CAMK1: variants seen among roughly 807,000 people sequenced by gnomAD.
CAMK1 encodes the protein calcium/calmodulin dependent protein kinase I.
CAMK1 carries 39 observed loss-of-function variants against 49.1 expected under a neutral mutation model. That is an observed-to-expected ratio of 0.79 (90% CI 0.62 to 1.04). The LOEUF is 1.04. CAMK1 is among the 50% of genes least tolerant of loss of function. The pLI is 0.00. For synonymous variants in CAMK1, 192 were observed against 185.2 expected, an observed-to-expected ratio of 1.04 and a Z score of -0.30; for missense variants, 457 against 472.2, an observed-to-expected ratio of 0.97 and a Z score of 0.30.
At chr3:9,759,773 A>G (rs2077758744) in intron 8 of CAMK1, 23 bp from the exon 9 acceptor site, 1 of 1,613,988 alleles carries the variant, frequency 6.2e-7, no homozygotes, top group African/African-American at 1.3e-5. Context: ...GACAAAAGCA[A>G]AGATAATGAC....
intron 10 of CAMK1, chr3:9,759,031 C>G: frequency 1.4e-6 from 1 of 714,438 alleles, no homozygotes; most frequent in Admixed American, 1.9e-5. Context: ...ATATGAGGCC[C>G]TAAGAGGCCT....
intron 2 of CAMK1, among the ~76,000 whole-genome samples, chr3:9,767,079 C>G (rs1489816564): frequency 2.0e-5 from 3 of 152,168 alleles, no homozygotes; most frequent in Non-Finnish European, 2.9e-5. Flanking sequence ...TTATGCTATT[C>G]CTTCTGCCTG....
intron 3 of CAMK1, among the ~76,000 whole-genome samples, chr3:9,763,527 A>C (rs2077994443): frequency 6.6e-6 from 1 of 152,124 alleles, no homozygotes; most frequent in Non-Finnish European, 1.5e-5. Context: ...GGGAAAAGCT[A>C]GCTTACCATG....
In CAMK1 at chr3:9,757,905, T is replaced by C; in HGVS notation, c.913-59A>G. On this transcript the variant is annotated intron_variant, in intron 10 of 11. Coordinates refer to ENST00000256460, the MANE Select transcript of CAMK1 (RefSeq NM_003656.5). The surrounding 1 kb of genome is among the most constrained non-coding windows in gnomAD (Gnocchi z 4.5). The stretch of plus-strand genomic sequence containing the variant: ...AAGGACTTTTGAGAGAGTCAAGTCA[T>C]GGGGCAGGGGCGCAGTGGGATTCTT... The C allele has an allele frequency of 6.4e-7, 1 of 1,552,042 alleles. No homozygotes were observed. Among genetic ancestry groups the C allele is most frequent in the South Asian group, 1.2e-5 (1 of 82,628 alleles).
chr3:9,766,385 G>A (rs2078153357), intron 2 of CAMK1: 1 of 594,254 alleles, frequency 1.7e-6, no homozygotes. Context: ...TCGAGTCATG[G>A]CTAATTTAAC....
chr3:9,761,938 G>C, intron 5 of CAMK1, 181 bp from the exon 6 acceptor site: 1 of 833,486 alleles, frequency 1.2e-6, no homozygotes, highest in Non-Finnish European at 1.8e-6. Flanking sequence ...GAAGGACAAG[G>C]CTCAAGAGGG....
At chr3:9,763,418 A>C (rs1247920244) in intron 3 of CAMK1, among the ~76,000 whole-genome samples, 1 of 151,772 alleles carries the variant, frequency 6.6e-6, no homozygotes, top group Non-Finnish European at 1.5e-5. Flanking sequence ...AAAAAAAAAA[A>C]AAAACAGCGG....
chr3:9,767,570 G>A, intron 2 of CAMK1, 97 bp downstream of exon 2: 1 of 1,499,536 alleles, frequency 6.7e-7, no homozygotes, highest in Non-Finnish European at 9.2e-7. Context: ...CAGGGCCTGG[G>A]CTGTGGGAAA....
At chr3:9,760,995 T>C (rs2077837431) in intron 7 of CAMK1, 1 of 550,010 alleles carries the variant, frequency 1.8e-6, no homozygotes, top group African/African-American at 1.9e-5. Context: ...TGCCATTGCT[T>C]CTGCCTATGC....
chr3:9,767,712 G>A lies in CAMK1; in HGVS notation c.38C>T (p.Ala13Val), dbSNP rs920145784. The change falls in exon 2 of 12, where the codon GCG becomes GTG. Residue 13 changes from alanine to valine, a missense_variant. Coordinates refer to ENST00000256460, the MANE Select transcript of CAMK1 (RefSeq NM_003656.5). Reference protein sequence around the residue: ...GAVEGPRWKQAEDIRDIYDFR... With the variant: ...GAVEGPRWKQVEDIRDIYDFR... The stretch of plus-strand genomic sequence containing the variant: ...GTCGTAGATGTCTCTAATGTCCTCC[G>A]CCTGCTTCCACCTGGGGCCTTCCAC... 1.4e-5 allele frequency: 22 copies of A among 1,613,976 alleles called. No individual in the cohort carries two copies. The East Asian group carries it at 2.7e-4, about 20-fold the overall frequency.
Position 9,757,384 on chromosome 3 carries a change from A to T in CAMK1, c.*155T>A. 2 of 1,612,954 alleles carry T rather than the reference A, an allele frequency of 1.2e-6. No homozygotes were observed. The highest frequency in any genetic ancestry group is 1.7e-6 in the Non-Finnish European group (2 of 1,179,382). ...CCCTTTATTACAAGAAGGAACAATAAAATAGAAACATTTGTATGGAAAATG... is the reference window on the plus strand; with the variant it reads ...CCCTTTATTACAAGAAGGAACAATATAATAGAAACATTTGTATGGAAAATG... On this transcript the variant is annotated 3_prime_UTR_variant, in exon 12 of 12. Coordinates refer to ENST00000256460, the MANE Select transcript of CAMK1 (RefSeq NM_003656.5). This position sits in a 1 kb window ranked among gnomAD's most constrained non-coding sequence, Gnocchi z 4.5.
At position 9,760,679 on chromosome 3, in the gene CAMK1, T is replaced by G; in HGVS notation, c.722A>C (p.Tyr241Ser). 6.2e-7 allele frequency: 1 copy of G among 1,613,972 alleles called. No homozygotes were observed. The change falls in exon 8 of 12, where the codon TAC becomes TCC. Residue 241 changes from tyrosine to serine, a missense_variant. Physicochemically the swap from Tyr to Ser is moderately radical, Grantham distance 144. Transcript: ENST00000256460. ...ACCAGAGTCAGAGATGTCGTCCCAG[T>G]AAGGAGAGTCAAACTCGTACTCGGC... ...LKAEYEFDSP[Y>S]WDDISDSAKD...
intron 10 of CAMK1, 65 bp downstream of exon 10, chr3:9,759,423 A>C: frequency 6.2e-7 from 1 of 1,607,658 alleles, no homozygotes; most frequent in Non-Finnish European, 8.5e-7. Context: ...GTGCAAGCTG[A>C]GCCTGGGTAG....
intron 1 of CAMK1, among the ~76,000 whole-genome samples, chr3:9,768,691 A>G (rs565622950): frequency 2.6e-5 from 4 of 152,252 alleles, no homozygotes; most frequent in South Asian, 2.1e-4. Context: ...CAGCCTCCCA[A>G]CCCATCCACA....
chr3:9,761,107 G>A (rs185413779), intron 7 of CAMK1: 20 of 346,056 alleles, frequency 5.8e-5, no homozygotes, highest in Admixed American at 3.9e-4. Flanking sequence ...GCATCACCCC[G>A]TCTCCCTATT....
In CAMK1 at chr3:9,764,611, G is replaced by GTTTTTTTTTTTTTTTT. The variant is rs1310854701; in HGVS notation, c.215+1147_215+1148insAAAAAAAAAAAAAAAA. On this transcript the variant is annotated intron_variant, in intron 3 of 11. Coordinates refer to ENST00000256460, the MANE Select transcript of CAMK1 (RefSeq NM_003656.5). ...ACAGGCGTGAGCCACTGCGCCTGGC[G>GTTTTTTTTTTTTTTTT]TTTTTGTTTTTTTTTTGTTTTTTTT... Among the ~76,000 whole-genome samples the GTTTTTTTTTTTTTTTT allele has an allele frequency of 1.6e-5, 2 of 125,076 alleles. 1 individual carries two copies. Among genetic ancestry groups the GTTTTTTTTTTTTTTTT allele is most frequent in the Non-Finnish European group, 3.2e-5 (2 of 61,626 alleles). The allele number at this position is 125,076 out of a possible 152,430, so 82.1% of individuals were successfully genotyped here.
At chr3:9,767,250 A>C (rs1489465506) in intron 2 of CAMK1, among the ~76,000 whole-genome samples, 2 of 151,794 alleles carry the variant, frequency 1.3e-5, no homozygotes, top group African/African-American at 4.8e-5. Flanking sequence ...CACAGCACAC[A>C]CCCTGTTGTC....
In CAMK1 at chr3:9,757,578, C is replaced by T. The variant is rs753838535; in HGVS notation, c.1074G>A (p.Pro358=). 1.9e-5 allele frequency: 30 copies of T among 1,614,088 alleles called. No homozygotes were observed. The highest frequency in any genetic ancestry group is 2.5e-5 in the Non-Finnish European group (29 of 1,180,022). ...GCCCRDCCVE[P]GTELSPTLPH... ...GCAGTGTGGGGGACAGTTCTGTGCC[C>T]GGCTCCACGCAGCAGTCTCGACAGC... is the stretch of plus-strand genomic sequence containing the variant. The change falls in exon 12 of 12, where the codon CCG becomes CCA. Residue 358 remains proline (P), a synonymous_variant. Transcript: ENST00000256460. This position sits in a 1 kb window ranked among gnomAD's most constrained non-coding sequence, Gnocchi z 4.5.
In CAMK1 at chr3:9,759,387, G is replaced by T. The variant is rs184042619; in HGVS notation, c.912+101C>A. ...CAGTAAGGATCCCTAAGCAGTTACTGTGTGCCCAGTGTGATGCCAGGTGCT... is the reference window on the plus strand; with the variant it reads ...CAGTAAGGATCCCTAAGCAGTTACTTTGTGCCCAGTGTGATGCCAGGTGCT... On this transcript the variant is annotated intron_variant, in intron 10 of 11. Coordinates refer to ENST00000256460, the MANE Select transcript of CAMK1 (RefSeq NM_003656.5). 7,735 of 1,565,492 alleles carry T rather than the reference G, an allele frequency of 4.9e-3. 29 individuals carry two copies. Among genetic ancestry groups the T allele is most frequent in the Non-Finnish European group, 5.6e-3 (6,396 of 1,135,710 alleles).
Sources: allele counts gnomAD v4.1 joint callset (sites outside exome capture counted in the v4.1 genomes callset), GRCh38; gene constraint gnomAD v4.1.1; non-coding constraint Gnocchi (gnomAD v3.1); transcripts MANE v1.5; gene names NCBI Gene and HGNC (gene_info 2026-07-23, HGNC 2026-07-21).